The following PRRX2 variants were observed in gnomAD, a reference collection of about 807,000 sequenced individuals.
The protein encoded by PRRX2 is paired related homeobox 2, also known as paired mesoderm homeobox protein 2.
Under a neutral mutation model 18.0 loss-of-function variants are expected in PRRX2, and 11 were observed. The observed-to-expected ratio is 0.61, with a 90% CI of 0.39 to 1.01. PRRX2 has a LOEUF of 1.01. Among genes scored for constraint, PRRX2 ranks in the 50% least tolerant of loss-of-function variants. The pLI, the probability that PRRX2 is intolerant of heterozygous loss-of-function variation, is 0.01. For synonymous variants in PRRX2, 177 were observed against 154.8 expected (o/e 1.14, Z -1.06); for missense variants, 387 against 351.0 (o/e 1.10, Z -0.82).
intron 1 of PRRX2, among the ~76,000 whole-genome samples, chr9:129,701,496 G>A (rs567930049): frequency 5.3e-5 from 8 of 152,292 alleles, no homozygotes; most frequent in East Asian, 3.9e-4. Context: ...CCAGGAAAGC[G>A]GGATATGGTT....
intron 1 of PRRX2, among the ~76,000 whole-genome samples, chr9:129,668,980 C>T (rs149558379): frequency 0.018 from 2,717 of 151,330 alleles, 28 homozygotes; most frequent in Admixed American, 0.025. Flanking sequence ...AACTGCATCT[C>T]TACTAAAACT....
In PRRX2 at chr9:129,715,544, T is replaced by C. The variant is rs1016345490; in HGVS notation, c.260-3687T>C. ...AGGTCGAGGCTGCAGTGTGTTACGATTGCGCCACTGCACTCCAGCTTGGGC... is the reference window on the plus strand; with the variant it reads ...AGGTCGAGGCTGCAGTGTGTTACGACTGCGCCACTGCACTCCAGCTTGGGC... On this transcript the variant is annotated intron_variant, in intron 1 of 3. Coordinates refer to ENST00000372469, the MANE Select transcript of PRRX2 (RefSeq NM_016307.4). This position sits in a 1 kb window ranked among gnomAD's most constrained non-coding sequence, Gnocchi z 4.0. 4.6e-5 allele frequency among the ~76,000 whole-genome samples: 7 copies of C among 152,036 alleles called. No individual in the cohort carries two copies. The highest frequency in any genetic ancestry group is 4.8e-5 in the African/African-American group (2 of 41,400).
chr9:129,695,822 C>G lies in PRRX2; in HGVS notation c.260-23409C>G, dbSNP rs78534395. 4.6e-3 allele frequency among the ~76,000 whole-genome samples: 693 copies of G among 152,236 alleles called. 6 individuals carry two copies. Among genetic ancestry groups the G allele is most frequent in the African/African-American group, 0.015 (635 of 41,530 alleles). ...TTTCTGACAGCCCAAGTTAACAAGC[C>G]CCCACAAGTGAATTCAGAGAGCATT... On this transcript the variant is annotated intron_variant, in intron 1 of 3. Coordinates refer to ENST00000372469, the MANE Select transcript of PRRX2 (RefSeq NM_016307.4). The surrounding 1 kb of genome is among the most constrained non-coding windows in gnomAD (Gnocchi z 4.8).
chr9:129,694,649 C>T (rs1233983538), intron 1 of PRRX2, among the ~76,000 whole-genome samples: 3 of 152,178 alleles, frequency 2.0e-5, no homozygotes, highest in African/African-American at 4.8e-5. Context: ...CCAGTTCTTC[C>T]ACCAACTGGC....
chr9:129,685,050 G>A (rs10988470), intron 1 of PRRX2, among the ~76,000 whole-genome samples: 2,963 of 152,306 alleles, frequency 0.019, 91 homozygotes, highest in African/African-American at 0.067. Flanking sequence ...GTGTGCCACT[G>A]ACGCCCCTCC....
Position 129,665,776 on chromosome 9 carries a change from C to A in PRRX2, c.-92C>A, listed in dbSNP as rs1832010451. The A allele has an allele frequency of 4.4e-6, 4 of 911,216 alleles. No homozygotes were observed. The highest frequency in any genetic ancestry group is 5.3e-6 in the Non-Finnish European group (4 of 757,894). The allele number at this position is 911,216 out of a possible 1,614,324, so 56.4% of individuals were successfully genotyped here. ...GGCGGGAGCTGGGCAGAGCGCGGGG[C>A]GGCCGGGGCTCTCGCTCCGACCCGC... On this transcript the variant is annotated 5_prime_UTR_variant, in exon 1 of 4. Transcript: ENST00000372469. The surrounding 1 kb of genome is among the most constrained non-coding windows in gnomAD (Gnocchi z 5.3).
chr9:129,714,168 T>C (rs1344276511), intron 1 of PRRX2, among the ~76,000 whole-genome samples: 1 of 151,256 alleles, frequency 6.6e-6, no homozygotes, highest in African/African-American at 2.4e-5. Context: ...TAGCCAGGCA[T>C]GTGGCGGACG....
intron 1 of PRRX2, among the ~76,000 whole-genome samples, chr9:129,668,055 A>AG (rs1832049088): frequency 1.3e-5 from 2 of 152,154 alleles, no homozygotes; most frequent in African/African-American, 4.8e-5. Flanking sequence ...GAAGCTGCCT[A>AG]GCTCTGCCCT....
chr9:129,680,857 T>TG (rs1776838049), intron 1 of PRRX2, among the ~76,000 whole-genome samples: 1 of 152,204 alleles, frequency 6.6e-6, no homozygotes, highest in Non-Finnish European at 1.5e-5. Context: ...GCATCTTGCT[T>TG]TATTTTCCAC....
In PRRX2 at chr9:129,675,668, C is replaced by G. The variant is rs1292104244; in HGVS notation, c.259+9542C>G. 6.6e-6 allele frequency among the ~76,000 whole-genome samples: 1 copy of G among 152,044 alleles called. No individual in the cohort carries two copies. The highest frequency in any genetic ancestry group is 1.5e-5 in the Non-Finnish European group (1 of 67,968). On this transcript the variant is annotated intron_variant, in intron 1 of 3. Coordinates refer to ENST00000372469, the MANE Select transcript of PRRX2 (RefSeq NM_016307.4). The surrounding 1 kb of genome is among the most constrained non-coding windows in gnomAD (Gnocchi z 4.4). ...TGCCGGTCTCCCCCTCGCTGGCCTC[C>G]CTTCTTGCCGTGGGCGCAGACGTTT...
chr9:129,679,562 G>T (rs1209934960), intron 1 of PRRX2, among the ~76,000 whole-genome samples: 1 of 152,200 alleles, frequency 6.6e-6, no homozygotes, highest in South Asian at 2.1e-4. Context: ...GTACGTGGGG[G>T]CACCAGGCCT....
At chr9:129,721,682 C>G (rs2130939020) in intron 3 of PRRX2, among the ~76,000 whole-genome samples, 1 of 152,246 alleles carries the variant, frequency 6.6e-6, no homozygotes, top group South Asian at 2.1e-4. Context: ...CAGGCTCAAG[C>G]AATTCTCCTG....
intron 1 of PRRX2, among the ~76,000 whole-genome samples, chr9:129,714,472 C>T (rs576835984): frequency 1.2e-4 from 18 of 151,964 alleles, no homozygotes; most frequent in African/African-American, 4.1e-4. Context: ...ATGCAGGGGA[C>T]GGTGGGTGGC....
At position 129,666,130 on chromosome 9, in the gene PRRX2, AG is replaced by A. The variant is rs1213881381; in HGVS notation, c.259+5del. The A allele has an allele frequency of 1.0e-6, 1 of 997,452 alleles. No homozygotes were observed. The highest frequency in any genetic ancestry group is 1.2e-6 in the Non-Finnish European group (1 of 842,406). 61.8% of individuals were successfully genotyped at this position (997,452 alleles called of 1,614,324 possible). On this transcript the variant is annotated splice_donor_5th_base_variant and intron_variant, in intron 1 of 3. Coordinates refer to ENST00000372469, the MANE Select transcript of PRRX2 (RefSeq NM_016307.4). ...AGCGAGGCGGCGCCGCAGGATGGTG[AG>A]TACGGCCGGCCAGGGACGGGGGTGG... is the stretch of plus-strand genomic sequence containing the variant.
intron 1 of PRRX2, among the ~76,000 whole-genome samples, chr9:129,711,902 G>T (rs567031994): frequency 6.6e-6 from 1 of 152,312 alleles, no homozygotes; most frequent in South Asian, 2.1e-4. Context: ...TGTCCTTGCT[G>T]ATGATGCCAG....
At position 129,690,575 on chromosome 9, in the gene PRRX2, C is replaced by T. The variant is rs560844915; in HGVS notation, c.259+24449C>T. On this transcript the variant is annotated intron_variant, in intron 1 of 3. Coordinates refer to ENST00000372469, the MANE Select transcript of PRRX2 (RefSeq NM_016307.4). ...AGGCTGGAGTGCAGTGGTGCGATCT[C>T]GGCTCACTGCAGTCTCCGCCTCCTG... 1.0e-3 allele frequency among the ~76,000 whole-genome samples: 155 copies of T among 149,922 alleles called. 6 individuals carry two copies. The South Asian group carries it at 0.026, about 25-fold the overall frequency.
rs1588158640 is a variant in PRRX2, at chr9:129,665,949, C to T, written c.82C>T (p.Pro28Ser). The change falls in exon 1 of 4, where the codon CCC becomes TCC. Residue 28 changes from proline (P) to serine (S), a missense_variant. Physicochemically the swap from Pro to Ser is moderately conservative, Grantham distance 74. Transcript: ENST00000372469. The surrounding 1 kb of genome is among the most constrained non-coding windows in gnomAD (Gnocchi z 5.3). ...GCCGCCGCCTCCACCCGCGCTGGGG[C>T]CCGGCGACTGCGCCCAGGCGCGCAA... ...GPPPPPPALG[P>S]GDCAQARKNF... is the part of the protein sequence containing the mutation. The T allele has an allele frequency of 8.8e-7, 1 of 1,138,562 alleles. No individual in the cohort carries two copies. Among genetic ancestry groups the T allele is most frequent in the Non-Finnish European group, 1.1e-6 (1 of 922,594 alleles). 70.5% of individuals were successfully genotyped at this position (1,138,562 alleles called of 1,614,324 possible).
In PRRX2 at chr9:129,722,461, G is replaced by C. The variant is rs928212609; in HGVS notation, c.*109G>C. 2.2e-6 allele frequency: 3 copies of C among 1,347,362 alleles called. No homozygotes were observed. In the African/African-American group the frequency reaches 4.5e-5, roughly 20 times the overall value. 83.5% of individuals were successfully genotyped at this position (1,347,362 alleles called of 1,614,324 possible). On this transcript the variant is annotated 3_prime_UTR_variant, in exon 4 of 4. Coordinates refer to ENST00000372469, the MANE Select transcript of PRRX2 (RefSeq NM_016307.4). ...CTGGATGAGCTCTCCTGGCCCGTCT[G>C]TCCAGCCTGGACTCCCGAGCCCACG...
chr9:129,692,461 T>C (rs995292363), intron 1 of PRRX2, among the ~76,000 whole-genome samples: 6 of 152,174 alleles, frequency 3.9e-5, no homozygotes, highest in Non-Finnish European at 8.8e-5. Flanking sequence ...TTGTTCATTC[T>C]GTGGGGTTAG....
Sources: allele counts gnomAD v4.1 joint callset (sites outside exome capture counted in the v4.1 genomes callset), GRCh38; gene constraint gnomAD v4.1.1; non-coding constraint Gnocchi (gnomAD v3.1); transcripts MANE v1.5; gene names NCBI Gene and HGNC (gene_info 2026-07-23, HGNC 2026-07-21).